Variants in IFI30 observed in about 807,000 individuals in gnomAD.
IFI30 encodes IFI30 lysosomal thiol reductase, also known as gamma-interferon-inducible lysosomal thiol reductase.
A neutral mutation model predicts 30.1 loss-of-function variants in IFI30; 26 were observed. That is an observed-to-expected ratio of 0.87 (90% CI 0.63 to 1.20). IFI30 has a LOEUF of 1.20. Ranked by LOEUF, IFI30 falls within the 50% of genes most tolerant of loss-of-function variation. The probability of loss-of-function intolerance (pLI) is 0.00; values close to 1 mark genes in which losing one functional copy is unlikely to be tolerated. For missense variants in IFI30, 296 were observed against 312.5 expected (o/e 0.95, Z 0.40); for synonymous variants, 149 against 134.5 (o/e 1.11, Z -0.75).
At chr19:18,177,341 CAGG>C in intron 5 of IFI30, 49 bp downstream of exon 5, 1 of 1,532,864 alleles carries the variant, frequency 6.5e-7, no homozygotes, top group East Asian at 2.4e-5. Context: ...CCCATGGAGT[CAGG>C]GATGGACAAG....
intron 3 of IFI30, 22 bp downstream of exon 3, chr19:18,175,407 C>T: frequency 6.4e-7 from 1 of 1,572,258 alleles, no homozygotes; most frequent in African/African-American, 1.4e-5. Flanking sequence ...CAGGGCCCCA[C>T]ACTGGGGTGG....
In IFI30 at chr19:18,175,179, T is replaced by G. The variant is rs202128812; in HGVS notation, c.272T>G (p.Met91Arg). ...CTCTTCCCAACATGGCTGTTGGTCA[T>G]GGAGATCCTCAATGTCACGCTGGTG... is the stretch of plus-strand genomic sequence containing the variant. ...RELFPTWLLV[M>R]EILNVTLVPY... Residue 91 changes from methionine to arginine, a missense_variant, in exon 2 of 7, where the codon ATG (methionine) becomes AGG (arginine). Coordinates refer to ENST00000407280, the MANE Select transcript of IFI30 (RefSeq NM_006332.5). 2.5e-6 allele frequency: 4 copies of G among 1,602,088 alleles called. No individual in the cohort carries two copies. The highest frequency in any genetic ancestry group is 8.5e-7 in the Non-Finnish European group (1 of 1,174,372).
At chr19:18,177,593 C>A in intron 5 of IFI30, 118 bp from the exon 6 acceptor site, 1 of 1,183,738 alleles carries the variant, frequency 8.4e-7, no homozygotes, top group Non-Finnish European at 1.2e-6. Flanking sequence ...CACTGATTTG[C>A]GAGGCGGGAG....
intron 4 of IFI30, among the ~76,000 whole-genome samples, chr19:18,176,638 C>T (rs1018464515): frequency 8.5e-5 from 13 of 152,110 alleles, no homozygotes; most frequent in Admixed American, 2.6e-4. Flanking sequence ...CCTACTTCCC[C>T]GGGGGATTGT....
rs772966039 is a variant in IFI30, at chr19:18,177,137, C to A, written c.484-3C>A. The A allele has an allele frequency of 1.3e-6, 2 of 1,548,638 alleles. No homozygotes were observed. The highest frequency in any genetic ancestry group is 3.9e-5 in the Admixed American group (2 of 51,504). ...GGCAACCCCCTGCTCCCCACCCACC[C>A]AGTGCCTGCAGCTCTACGCCCCAGG... On this transcript the variant is annotated splice_polypyrimidine_tract_variant and splice_region_variant and intron_variant, in intron 4 of 6. Transcript: ENST00000407280.
At chr19:18,177,539 G>A (rs1273138489) in intron 5 of IFI30, 172 bp from the exon 6 acceptor site, 14 of 832,426 alleles carry the variant, frequency 1.7e-5, no homozygotes, top group Admixed American at 1.1e-4. Flanking sequence ...GTATTAATTC[G>A]AAGTATTAAA....
At chr19:18,176,679 G>A (rs967489529) in intron 4 of IFI30, among the ~76,000 whole-genome samples, 3 of 152,142 alleles carry the variant, frequency 2.0e-5, no homozygotes, top group Admixed American at 6.5e-5. Flanking sequence ...GTGACTCATT[G>A]GCTCCAATCA....
At chr19:18,177,332 C>A in intron 5 of IFI30, 40 bp downstream of exon 5, 1 of 1,550,772 alleles carries the variant, frequency 6.4e-7, no homozygotes. Context: ...ACTCATAGTC[C>A]CATGGAGTCA....
At chr19:18,174,144 T>A (rs1014258499) in intron 1 of IFI30, 171 bp downstream of exon 1, 53 of 625,750 alleles carry the variant, frequency 8.5e-5, no homozygotes, top group Non-Finnish European at 1.3e-4. Flanking sequence ...GCGGCCACAC[T>A]CCCTCCGTGC....
Position 18,177,849 on chromosome 19 carries a change from G to A in IFI30, c.691G>A (p.Gly231Ser), listed in dbSNP as rs761666660. The change falls in exon 7 of 7, where the codon GGC becomes AGC. Residue 231 changes from glycine (G) to serine (S), a missense_variant and splice_region_variant. Transcript: ENST00000407280. ...CCCAACTCATGGCCTTCACCTCCAG[G>A]GCAAGAAGCCGGATGTCTGCCCTTC... ...LLTLVCQLYQ[G>S]KKPDVCPSST... 3 of 1,602,492 alleles carry A rather than the reference G, an allele frequency of 1.9e-6. No homozygotes were observed. In the African/African-American group the frequency reaches 4.0e-5, roughly 21 times the overall value.
Position 18,173,834 on chromosome 19 carries a change from C to T in IFI30, c.-8C>T. 1 of 1,543,966 alleles carries T rather than the reference C, an allele frequency of 6.5e-7. No individual in the cohort carries two copies. Among genetic ancestry groups the T allele is most frequent in the Non-Finnish European group, 8.7e-7 (1 of 1,145,460 alleles). On this transcript the variant is annotated 5_prime_UTR_variant, in exon 1 of 7. Coordinates refer to ENST00000407280, the MANE Select transcript of IFI30 (RefSeq NM_006332.5). ...CGCTGCAGTCGCCACACCTTTGCCC[C>T]TGCTGCGATGACCCTGTCGCCACTT...
At chr19:18,176,735 A>G (rs900623402) in intron 4 of IFI30, among the ~76,000 whole-genome samples, 44 of 152,296 alleles carry the variant, frequency 2.9e-4, no homozygotes, top group African/African-American at 1.0e-3. Flanking sequence ...GGCCTCACCT[A>G]GTGACACCCT....
chr19:18,173,929 C>T lies in IFI30; in HGVS notation c.88C>T (p.Gln30Ter). Residue 30 changes from glutamine to a stop codon, truncating the protein, a stop_gained, in exon 1 of 7, where the codon CAA becomes TAA. Coordinates refer to ENST00000407280, the MANE Select transcript of IFI30 (RefSeq NM_006332.5). LOFTEE classifies it high-confidence loss of function. ...PTAAVQASPLQALDFFGNGPP... is the reference protein window; with the variant it reads ...PTAAVQASPL Reference sequence around the variant, plus strand: ...GGCGGCGGTGCAGGCGTCCCCTCTGCAAGCGTTAGACTTCTTTGGGAATGG... The same window carrying T: ...GGCGGCGGTGCAGGCGTCCCCTCTGTAAGCGTTAGACTTCTTTGGGAATGG... The T allele has an allele frequency of 2.6e-6, 4 of 1,551,598 alleles. No individual in the cohort carries two copies. The highest frequency in any genetic ancestry group is 1.7e-4 in the Middle Eastern group (1 of 5,990).
At chr19:18,175,456 T>C in intron 3 of IFI30, 71 bp downstream of exon 3, 1 of 1,455,860 alleles carries the variant, frequency 6.9e-7, no homozygotes, top group Non-Finnish European at 9.4e-7. Flanking sequence ...AATACGAGGA[T>C]GCCAGCTCTG....
intron 6 of IFI30, 25 bp from the exon 7 acceptor site, chr19:18,177,824 C>T (rs1233674989): frequency 2.5e-6 from 4 of 1,607,370 alleles, no homozygotes; most frequent in Non-Finnish European, 3.4e-6. Context: ...CTTCCAGGAC[C>T]CCAACTCATG....
At chr19:18,174,366 G>A in intron 1 of IFI30, 1 of 182,296 alleles carries the variant, frequency 5.5e-6, no homozygotes, top group Non-Finnish European at 1.2e-5. Context: ...CCAGGGCAGG[G>A]CTCGCGTGTC....
rs1967249545 is a variant in IFI30 at position 18,175,058 on chromosome 19, C to T, written c.151C>T (p.Arg51Trp). ...TCCACAGACAGGCAATCTATACCTG[C>T]GGGGGCCCCTGAAGAAGTCCAATGC... The part of the protein sequence containing the change: ...VNYKTGNLYL[R>W]GPLKKSNAPL... Residue 51 changes from arginine to tryptophan, a missense_variant, in exon 2 of 7, where the codon CGG becomes TGG. Coordinates refer to ENST00000407280, the MANE Select transcript of IFI30 (RefSeq NM_006332.5). The T allele has an allele frequency of 5.0e-6, 8 of 1,613,594 alleles. No homozygotes were observed. Among genetic ancestry groups the T allele is most frequent in the East Asian group, 2.2e-5 (1 of 44,878 alleles).
At position 18,173,975 on chromosome 19, in the gene IFI30, T is replaced by C. The variant is rs2147965441; in HGVS notation, c.132+2T>C. On this transcript the variant is annotated splice_donor_variant, in intron 1 of 6. Coordinates refer to ENST00000407280, the MANE Select transcript of IFI30 (RefSeq NM_006332.5). LOFTEE classifies it high-confidence loss of function. The stretch of plus-strand genomic sequence containing the variant: ...AATGGGCCACCAGTTAACTACAAGG[T>C]AGGGACGGCGACAGGGCGGGCAGGC... 1 of 1,549,136 alleles carries C rather than the reference T, an allele frequency of 6.5e-7. No individual in the cohort carries two copies.
chr19:18,177,612 C>T, intron 5 of IFI30, 99 bp from the exon 6 acceptor site: 1 of 1,411,198 alleles, frequency 7.1e-7, no homozygotes, highest in Admixed American at 1.9e-5. Context: ...AGGCGGGGGC[C>T]AGACTTGGGA....
Sources: allele counts gnomAD v4.1 joint callset (sites outside exome capture counted in the v4.1 genomes callset), GRCh38; gene constraint gnomAD v4.1.1; transcripts MANE v1.5; gene names NCBI Gene and HGNC (gene_info 2026-07-23, HGNC 2026-07-21).